The following ATL1 variants were observed in gnomAD, a reference collection of about 807,000 sequenced individuals.
ATL1 encodes atlastin GTPase 1.
ATL1 carries 31 observed loss-of-function variants against 75.5 expected under a neutral mutation model. That is an observed-to-expected ratio of 0.41 (90% CI 0.31 to 0.55). ATL1 has a LOEUF of 0.55. Ranked by LOEUF, ATL1 falls within the 20% of genes least tolerant of loss-of-function variation. The pLI, the probability that ATL1 is intolerant of heterozygous loss-of-function variation, is 0.27. For missense variants in ATL1, 405 were observed against 662.6 expected (o/e 0.61, Z 4.27); for synonymous variants, 226 against 233.3 (o/e 0.97, Z 0.28).
At position 50,587,907 on chromosome 14, in the gene ATL1, C is replaced by G; in HGVS notation, c.111C>G (p.Val37=). 6.2e-7 allele frequency: 1 copy of G among 1,614,076 alleles called. No individual in the cohort carries two copies. The highest frequency in any genetic ancestry group is 1.1e-5 in the South Asian group (1 of 91,072). ...TGAAAAAGGCAGGACCAGTCCAAGT[C>G]CTCATTGTCAAAGATGACCATTCCT... The part of the protein sequence containing the change: ...EPVKKAGPVQ[V]LIVKDDHSFE... Residue 37 remains valine, a synonymous_variant, in exon 2 of 14, where the codon GTC becomes GTG. Transcript: ENST00000358385.
At chr14:50,596,908 C>G (rs571587091) in intron 6 of ATL1, among the ~76,000 whole-genome samples, 1 of 151,866 alleles carries the variant, frequency 6.6e-6, no homozygotes, top group South Asian at 2.1e-4. Context: ...GTGATAAGTA[C>G]AAATTAAGAA....
At chr14:50,558,668 A>G (rs1191839647), upstream of ATL1, among the ~76,000 whole-genome samples, 2 of 152,276 alleles carry the variant, frequency 1.3e-5, no homozygotes, top group African/African-American at 4.8e-5. Flanking sequence ...TGTGTAATCT[A>G]TTGTACTCTT....
chr14:50,607,009 A>G (rs1253972822), intron 6 of ATL1, among the ~76,000 whole-genome samples: 3 of 152,112 alleles, frequency 2.0e-5, no homozygotes, highest in African/African-American at 7.2e-5. Context: ...GACCCTATAT[A>G]AAGACCTATA....
intron 9 of ATL1, among the ~76,000 whole-genome samples, chr14:50,621,401 A>AT (rs1173959128): frequency 6.6e-6 from 1 of 152,214 alleles, no homozygotes; most frequent in Non-Finnish European, 1.5e-5. Context: ...TCAGCAATAA[A>AT]TGCCATGTTA....
intron 1 of ATL1, among the ~76,000 whole-genome samples, chr14:50,544,054 C>T (rs550347177): frequency 3.8e-4 from 58 of 152,248 alleles, no homozygotes; most frequent in South Asian, 8.3e-4. Context: ...GTTATTGCTC[C>T]GCAAAGGAAA....
chr14:50,536,907 G>GA (rs1238613916), intron 1 of ATL1, among the ~76,000 whole-genome samples: 6 of 152,194 alleles, frequency 3.9e-5, no homozygotes, highest in African/African-American at 1.4e-4. Context: ...TAAAAGTTTG[G>GA]AAAATTTGCA....
At chr14:50,590,495 C>T (rs1024156597) in intron 2 of ATL1, among the ~76,000 whole-genome samples, 3 of 152,086 alleles carry the variant, frequency 2.0e-5, no homozygotes, top group Admixed American at 1.3e-4. Flanking sequence ...TCTGGAATGC[C>T]TTCTCCAAAT....
At chr14:50,568,063 T>C (rs554803881) in intron 1 of ATL1, among the ~76,000 whole-genome samples, 1 of 152,372 alleles carries the variant, frequency 6.6e-6, no homozygotes, top group African/African-American at 2.4e-5. Flanking sequence ...TTTTGTTTGT[T>C]TGTTTTATCC....
intron 8 of ATL1, 150 bp from the exon 9 acceptor site, chr14:50,620,449 C>A (rs1055169066): frequency 1.3e-5 from 10 of 744,038 alleles, no homozygotes; most frequent in African/African-American, 3.6e-5. Flanking sequence ...GTGAGAAGAG[C>A]AGGTTTCAGG....
intron 1 of ATL1, among the ~76,000 whole-genome samples, chr14:50,582,626 A>G (rs1002275877): frequency 6.7e-6 from 1 of 149,498 alleles, no homozygotes; most frequent in Admixed American, 6.7e-5. Flanking sequence ...GGGTTTCACC[A>G]TCTTGGCCAG....
intron 10 of ATL1, among the ~76,000 whole-genome samples, chr14:50,622,251 A>C (rs2039474076): frequency 6.6e-6 from 1 of 152,232 alleles, no homozygotes; most frequent in Non-Finnish European, 1.5e-5. Context: ...AAAATGAGCC[A>C]GGCACGGTGG....
At chr14:50,579,979 C>G (rs1303716107) in intron 1 of ATL1, among the ~76,000 whole-genome samples, 1 of 152,164 alleles carries the variant, frequency 6.6e-6, no homozygotes, top group Non-Finnish European at 1.5e-5. Context: ...TTTTTTCTCA[C>G]TAAAAATAAT....
chr14:50,571,028 T>C (rs899785273), intron 1 of ATL1, among the ~76,000 whole-genome samples: 1 of 152,140 alleles, frequency 6.6e-6, no homozygotes, highest in African/African-American at 2.4e-5. Context: ...GTCTTTAGTG[T>C]CTGGTTTTCA....
At chr14:50,564,530 T>G (rs1434101320) in intron 1 of ATL1, among the ~76,000 whole-genome samples, 2 of 150,804 alleles carry the variant, frequency 1.3e-5, no homozygotes, top group Non-Finnish European at 2.9e-5. Context: ...GCACTTGTAA[T>G]CCCAGCTACT....
At chr14:50,550,065 T>C (rs750337136) in intron 1 of ATL1, among the ~76,000 whole-genome samples, 8 of 152,144 alleles carry the variant, frequency 5.3e-5, no homozygotes, top group Non-Finnish European at 1.5e-5. Context: ...GGAGGGTGAA[T>C]GAAGGCTGCT....
chr14:50,548,274 C>T (rs1437329573), intron 1 of ATL1, among the ~76,000 whole-genome samples: 1 of 152,194 alleles, frequency 6.6e-6, no homozygotes, highest in Non-Finnish European at 1.5e-5. Flanking sequence ...TCATTTGGCA[C>T]AAACCCTCAG....
chr14:50,590,812 A>C (rs2039148621), intron 2 of ATL1, 129 bp from the exon 3 acceptor site: 10 of 881,818 alleles, frequency 1.1e-5, no homozygotes, highest in Non-Finnish European at 1.4e-5. Flanking sequence ...TGATGGTATC[A>C]ATGCAATAGA....
At chr14:50,632,042 A>G (rs1343341414) in intron 13 of ATL1, 187 bp from the exon 14 acceptor site, 4 of 462,822 alleles carry the variant, frequency 8.6e-6, no homozygotes, top group African/African-American at 7.9e-5. Flanking sequence ...AACACACAAA[A>G]GTGTTAATGC....
chr14:50,576,694 GC>G (rs2140190719), intron 1 of ATL1, among the ~76,000 whole-genome samples: 1 of 152,242 alleles, frequency 6.6e-6, no homozygotes, highest in Non-Finnish European at 1.5e-5. Context: ...TTCTACCTCA[GC>G]CTCCTGAGTA....
Sources: allele counts gnomAD v4.1 joint callset (sites outside exome capture counted in the v4.1 genomes callset), GRCh38; gene constraint gnomAD v4.1.1; transcripts MANE v1.5; gene names NCBI Gene and HGNC (gene_info 2026-07-23, HGNC 2026-07-21).